The following HCN1 variants were observed in gnomAD, a reference collection of about 807,000 sequenced individuals.
HCN1 encodes hyperpolarization activated cyclic nucleotide gated potassium channel 1, also known as potassium/sodium hyperpolarization-activated cyclic nucleotide-gated channel 1.
Under a neutral mutation model 78.9 loss-of-function variants are expected in HCN1, and 13 were observed. That is an observed-to-expected ratio of 0.16 (90% CI 0.11 to 0.26). The LOEUF (loss-of-function observed/expected upper bound fraction) is 0.26. HCN1 is among the 10% of genes least tolerant of loss of function. The probability of loss-of-function intolerance (pLI) is 1.00; values close to 1 mark genes in which losing one functional copy is unlikely to be tolerated. For synonymous variants in HCN1, 552 were observed against 455.5 expected (o/e 1.21, Z -2.70); for missense variants, 810 against 1,154.3 (o/e 0.70, Z 4.32).
At chr5:45,388,185 G>T (rs564882943) in intron 4 of HCN1, among the ~76,000 whole-genome samples, 1 of 152,114 alleles carries the variant, frequency 6.6e-6, no homozygotes, top group South Asian at 2.1e-4. Flanking sequence ...CATCTTCCTA[G>T]CTCTTCATCT....
intron 1 of HCN1, among the ~76,000 whole-genome samples, chr5:45,685,869 C>T (rs1378224233): frequency 6.6e-6 from 1 of 152,102 alleles, no homozygotes; most frequent in Non-Finnish European, 1.5e-5. Context: ...ATGGCCATTC[C>T]TTCATATATT....
At position 45,258,084 on chromosome 5, in the gene HCN1, C is replaced by T. The variant is rs1448380108; in HGVS notation, c.*3837G>A. 3.3e-5 allele frequency: 5 copies of T among 152,030 alleles called. No individual in the cohort carries two copies. The highest frequency in any genetic ancestry group is 1.3e-4 in the Admixed American group (2 of 15,268). The allele number at this position is 152,030 out of a possible 1,614,324, so 9.4% of individuals were successfully genotyped here. On this transcript the variant is annotated 3_prime_UTR_variant, in exon 8 of 8. Coordinates refer to ENST00000303230, the MANE Select transcript of HCN1 (RefSeq NM_021072.4). Reference sequence around the variant, plus strand: ...AGATATAATGGAGAGATATCTCATTCAAACAGGTTAACATTATAAACAGTG... The same window carrying T: ...AGATATAATGGAGAGATATCTCATTTAAACAGGTTAACATTATAAACAGTG...
intron 2 of HCN1, among the ~76,000 whole-genome samples, chr5:45,541,304 T>C (rs1274334122): frequency 6.6e-6 from 1 of 152,160 alleles, no homozygotes; most frequent in East Asian, 1.9e-4. Context: ...TATCACCAGA[T>C]CTCCAGAGCT....
intron 1 of HCN1, among the ~76,000 whole-genome samples, chr5:45,694,223 G>A (rs1739963938): frequency 6.6e-6 from 1 of 151,918 alleles, no homozygotes; most frequent in Non-Finnish European, 1.5e-5. Context: ...AACTCTTAAT[G>A]TTCTCTAGAC....
At chr5:45,432,758 T>G (rs1740488518) in intron 3 of HCN1, among the ~76,000 whole-genome samples, 1 of 152,166 alleles carries the variant, frequency 6.6e-6, no homozygotes, top group South Asian at 2.1e-4. Flanking sequence ...GTTCTTGTTT[T>G]TAGTTCTATT....
At chr5:45,497,160 G>GA (rs891788609) in intron 2 of HCN1, among the ~76,000 whole-genome samples, 3 of 152,062 alleles carry the variant, frequency 2.0e-5, no homozygotes, top group Non-Finnish European at 4.4e-5. Flanking sequence ...GTGTGGTGCT[G>GA]AAAAAAATGT....
At chr5:45,496,351 T>C (rs1201983488) in intron 2 of HCN1, among the ~76,000 whole-genome samples, 1 of 151,966 alleles carries the variant, frequency 6.6e-6, no homozygotes, top group South Asian at 2.1e-4. Flanking sequence ...TGTCGAGGAA[T>C]GTATCCATTT....
chr5:45,497,585 C>T (rs1228745023), intron 2 of HCN1, among the ~76,000 whole-genome samples: 1 of 152,034 alleles, frequency 6.6e-6, no homozygotes, highest in Admixed American at 6.6e-5. Context: ...TTATTTTGAG[C>T]CTATGTGTGT....
chr5:45,595,673 C>G (rs572669981), intron 2 of HCN1, among the ~76,000 whole-genome samples: 12 of 152,062 alleles, frequency 7.9e-5, no homozygotes, highest in African/African-American at 2.4e-4. Context: ...GTCCAGCATA[C>G]TATGCTGGCT....
At chr5:45,324,389 A>G (rs896277187) in intron 5 of HCN1, among the ~76,000 whole-genome samples, 3 of 152,080 alleles carry the variant, frequency 2.0e-5, no homozygotes, top group East Asian at 3.9e-4. Flanking sequence ...CAGCCAAAAA[A>G]CACATGAAAA....
intron 2 of HCN1, among the ~76,000 whole-genome samples, chr5:45,638,944 A>C (rs907237337): frequency 6.6e-6 from 1 of 152,212 alleles, no homozygotes; most frequent in Non-Finnish European, 1.5e-5. Context: ...ATTGTACATT[A>C]AAACTTCAGC....
intron 1 of HCN1, among the ~76,000 whole-genome samples, chr5:45,659,035 T>A (rs987271635): frequency 2.6e-5 from 4 of 151,710 alleles, no homozygotes; most frequent in African/African-American, 7.3e-5. Context: ...CAGTAACCTC[T>A]GCAGACTTAA....
intron 2 of HCN1, among the ~76,000 whole-genome samples, chr5:45,511,236 T>A (rs1011164402): frequency 1.3e-5 from 2 of 152,022 alleles, no homozygotes; most frequent in African/African-American, 4.8e-5. Flanking sequence ...GAGTCCATTA[T>A]AATATAAATA....
intron 2 of HCN1, among the ~76,000 whole-genome samples, chr5:45,504,690 G>T (rs1158273578): frequency 6.6e-6 from 1 of 152,098 alleles, no homozygotes; most frequent in African/African-American, 2.4e-5. Flanking sequence ...CTTCCACAAT[G>T]GTTGAACTAG....
chr5:45,328,079 T>G (rs569838823), intron 5 of HCN1, among the ~76,000 whole-genome samples: 1 of 151,554 alleles, frequency 6.6e-6, no homozygotes, highest in African/African-American at 2.4e-5. Flanking sequence ...CTGTCCTCTG[T>G]GGGGAGTATG....
intron 2 of HCN1, among the ~76,000 whole-genome samples, chr5:45,568,680 G>A (rs984653499): frequency 6.6e-6 from 1 of 151,730 alleles, no homozygotes. Context: ...ATTAACACTC[G>A]TTATATTTTA....
intron 5 of HCN1, among the ~76,000 whole-genome samples, chr5:45,332,266 T>G (rs1039993999): frequency 4.6e-5 from 7 of 151,492 alleles, no homozygotes; most frequent in African/African-American, 1.7e-4. Context: ...GATACTTTTG[T>G]ATGAGTAGTA....
At chr5:45,626,856 TAAAA>T (rs1321023696) in intron 2 of HCN1, among the ~76,000 whole-genome samples, 2 of 151,416 alleles carry the variant, frequency 1.3e-5, no homozygotes, top group African/African-American at 4.9e-5. Context: ...AAAATAAAAA[TAAAA>T]AAACCTCACA....
intron 2 of HCN1, among the ~76,000 whole-genome samples, chr5:45,595,050 G>A (rs1744458701): frequency 6.6e-6 from 1 of 152,106 alleles, no homozygotes; most frequent in Admixed American, 6.6e-5. Context: ...TCCAGGAAAA[G>A]AAAGACAAAT....
Sources: gnomAD v4.1 joint callset for allele counts (sites outside exome capture counted in the v4.1 genomes callset) on GRCh38, gnomAD v4.1.1 for gene constraint, MANE v1.5 for transcripts, NCBI Gene and HGNC (gene_info 2026-07-23, HGNC 2026-07-21) for gene names.